LMF1: variants seen among roughly 807,000 people sequenced by gnomAD.
LMF1 encodes the protein lipase maturation factor 1.
In LMF1, 68 loss-of-function variants were observed where a neutral mutation model predicts 60.6. The ratio of observed to expected loss-of-function variants is 1.12; its 90% CI spans 0.92 to 1.37. The LOEUF is 1.37. Among genes scored for constraint, LMF1 ranks in the 40% most tolerant of loss-of-function variants. LMF1 has a pLI of 0.00. For synonymous variants in LMF1, 418 were observed against 324.7 expected, an observed-to-expected ratio of 1.29 and a Z score of -3.09; for missense variants, 948 against 767.2, an observed-to-expected ratio of 1.24 and a Z score of -2.78.
chr16:889,309 T>G (rs1480914005), intron 5 of LMF1, among the ~76,000 whole-genome samples: 2 of 152,030 alleles, frequency 1.3e-5, no homozygotes, highest in Admixed American at 6.5e-5. Context: ...GCAACTGCCT[T>G]TCGTTACCAG....
Position 870,778 on chromosome 16 carries a change from T to G in LMF1, c.1183A>C (p.Thr395Pro). 6.2e-7 allele frequency: 1 copy of G among 1,612,792 alleles called. No homozygotes were observed. Among genetic ancestry groups the G allele is most frequent in the Non-Finnish European group, 8.5e-7 (1 of 1,179,686 alleles). The stretch of plus-strand genomic sequence containing the variant: ...ACGATGTGAAGAGAGTTGAAGTGGG[T>G]GTTCATGACCTGCCTGGAGCTCAGC... ...NLLSSRQVMNTHFNSLHIVNT... is the reference protein window; with the variant it reads ...NLLSSRQVMNPHFNSLHIVNT... Residue 395 changes from threonine to proline, a missense_variant, in exon 8 of 11, where the codon ACC (threonine) becomes CCC (proline). Coordinates refer to ENST00000262301, the MANE Select transcript of LMF1 (RefSeq NM_022773.4).
chr16:897,749 C>A lies in LMF1; in HGVS notation c.664-4677G>T, dbSNP rs1381032725. On this transcript the variant is annotated intron_variant, in intron 4 of 10. Transcript: ENST00000262301. The surrounding 1 kb of genome is among the most constrained non-coding windows in gnomAD (Gnocchi z 4.3). Reference sequence around the variant, plus strand: ...GAGGCACTATGGGGTCTATCAAGACCCTCTAGTCTCCATATCTGAGGGTGG... The same window carrying A: ...GAGGCACTATGGGGTCTATCAAGACACTCTAGTCTCCATATCTGAGGGTGG... Among the ~76,000 whole-genome samples, 1 of 152,150 alleles carries A rather than the reference C, an allele frequency of 6.6e-6. No individual in the cohort carries two copies. Among genetic ancestry groups the A allele is most frequent in the African/African-American group, 2.4e-5 (1 of 41,434 alleles).
At position 950,504 on chromosome 16, in the gene LMF1, G is replaced by GACA. The variant is rs747107898; in HGVS notation, c.503+3852_503+3853insTGT. Reference sequence around the variant, plus strand: ...AGTCAGAGCCAACGACAGAGTCAGAGATGACAGAGTCAGAGACGACAGAGT... The same window carrying GACA: ...AGTCAGAGCCAACGACAGAGTCAGAGACAATGACAGAGTCAGAGACGACAGAGT... On this transcript the variant is annotated intron_variant, in intron 2 of 10. Transcript: ENST00000262301. Among the ~76,000 whole-genome samples, 512 of 80,914 alleles carry GACA rather than the reference G, an allele frequency of 6.3e-3. 8 individuals are homozygous for GACA. The highest frequency in any genetic ancestry group is 8.3e-3 in the African/African-American group (105 of 12,676). 53.1% of individuals were successfully genotyped at this position (80,914 alleles called of 152,430 possible).
chr16:959,923 CAG>C (rs2072788690), intron 1 of LMF1, among the ~76,000 whole-genome samples: 2 of 150,888 alleles, frequency 1.3e-5, no homozygotes, highest in Admixed American at 1.3e-4. Flanking sequence ...AGGTGAGAGT[CAG>C]AGTCATCGGC....
chr16:859,539 T>A (rs111996990), intron 10 of LMF1, among the ~76,000 whole-genome samples: 31 of 4,448 alleles, frequency 7.0e-3, no homozygotes, highest in African/African-American at 0.015. Flanking sequence ...GAGTGGTGTC[T>A]CGGGACGGGT....
chr16:869,200 C>T (rs1279144384), intron 9 of LMF1, 144 bp from the exon 10 acceptor site: 2 of 692,226 alleles, frequency 2.9e-6, no homozygotes, highest in Non-Finnish European at 5.3e-6. Context: ...AGCTCTTTGG[C>T]TGGGGTCCCC....
At position 911,018 on chromosome 16, in the gene LMF1, C is replaced by T. The variant is rs772552245; in HGVS notation, c.576G>A (p.Thr192=). 8.7e-6 allele frequency: 14 copies of T among 1,612,952 alleles called. No individual in the cohort carries two copies. In the Admixed American group the frequency reaches 1.0e-4, roughly 12 times the overall value. The change falls in exon 4 of 11, where the codon ACG becomes ACA. Residue 192 remains threonine (T), a synonymous_variant. Coordinates refer to ENST00000262301, the MANE Select transcript of LMF1 (RefSeq NM_022773.4). ...FLGIFLCPLW[T]LSRLPQHTPT... Reference sequence around the variant, plus strand: ...GGGTATGCTGGGGCAGCCTTGACAGCGTCCACAGAGGGCACAGGAAGATCC... The same window carrying T: ...GGGTATGCTGGGGCAGCCTTGACAGTGTCCACAGAGGGCACAGGAAGATCC...
In LMF1 at chr16:934,233, A is replaced by G. The variant is rs372050706; in HGVS notation, c.514+11T>C. ...CTCTCGCAGAGCTTTCTCTAAATGC[A>G]TCTCACTTACCGAAAGAGTACCTGA... On this transcript the variant is annotated intron_variant, in intron 3 of 10. Coordinates refer to ENST00000262301, the MANE Select transcript of LMF1 (RefSeq NM_022773.4). The G allele has an allele frequency of 4.8e-5, 77 of 1,599,296 alleles. No homozygotes were observed. The highest frequency in any genetic ancestry group is 6.0e-5 in the Non-Finnish European group (71 of 1,179,796).
intron 3 of LMF1, chr16:933,826 C>T (rs142768470): frequency 3.7e-5 from 21 of 560,170 alleles, no homozygotes; most frequent in East Asian, 2.7e-4. Flanking sequence ...GGAAGACCTC[C>T]GGTCCCCTCC....
chr16:974,345 G>A (rs559520458), upstream of LMF1, among the ~76,000 whole-genome samples: 7 of 152,262 alleles, frequency 4.6e-5, no homozygotes, highest in East Asian at 3.9e-4. Flanking sequence ...TGCCCTGAGC[G>A]CCTCACACCA....
chr16:888,967 A>G (rs577543), intron 5 of LMF1, among the ~76,000 whole-genome samples: 144,141 of 152,240 alleles, frequency 0.95, 68,359 homozygotes, highest in East Asian at 1. Flanking sequence ...GGGGGTCCTC[A>G]CAACGGTGCT....
At chr16:899,295 G>A (rs1446534363) in intron 4 of LMF1, 1 of 152,282 alleles carries the variant, frequency 6.6e-6, no homozygotes, top group East Asian at 1.9e-4. Flanking sequence ...CAGAGATCAG[G>A]ATGCCATAGA....
At chr16:960,025 C>G (rs1272545160) in intron 1 of LMF1, among the ~76,000 whole-genome samples, 1 of 152,212 alleles carries the variant, frequency 6.6e-6, no homozygotes, top group Admixed American at 6.5e-5. Flanking sequence ...TAGTGACACA[C>G]AGAGCCTAGC....
At chr16:898,271 C>T (rs1288358588) in intron 4 of LMF1, among the ~76,000 whole-genome samples, 1 of 149,332 alleles carries the variant, frequency 6.7e-6, no homozygotes, top group Admixed American at 6.7e-5. Context: ...AGTGAATTCC[C>T]ATGAGTTTGA....
intron 5 of LMF1, among the ~76,000 whole-genome samples, chr16:890,138 C>T (rs1190777004): frequency 6.6e-6 from 1 of 152,170 alleles, no homozygotes; most frequent in Non-Finnish European, 1.5e-5. Context: ...GAGTCCAGGC[C>T]CCTGAGGCCG....
At chr16:893,508 C>G (rs1030694621) in intron 4 of LMF1, 1 of 411,908 alleles carries the variant, frequency 2.4e-6, no homozygotes, top group African/African-American at 2.0e-5. Flanking sequence ...GCGTCTCAGC[C>G]CCGCCCCCTG....
chr16:978,528 G>A (rs184284864), intron 1 of LMF1, among the ~76,000 whole-genome samples: 1 of 152,036 alleles, frequency 6.6e-6, no homozygotes, highest in Non-Finnish European at 1.5e-5. Context: ...GCCCAGGCCA[G>A]GGCATGTGGA....
intron 2 of LMF1, among the ~76,000 whole-genome samples, chr16:951,100 A>G (rs2072450957): frequency 1.2e-5 from 1 of 80,058 alleles, no homozygotes; most frequent in Non-Finnish European, 2.3e-5. Context: ...AGTCAGAGCC[A>G]ATGACAGAGT....
At chr16:892,206 C>T (rs1476272897) in intron 5 of LMF1, among the ~76,000 whole-genome samples, 2 of 152,228 alleles carry the variant, frequency 1.3e-5, no homozygotes, top group African/African-American at 2.4e-5. Context: ...AGACAGCCAT[C>T]ACTGGCTGTC....
Sources: allele counts gnomAD v4.1 joint callset (sites outside exome capture counted in the v4.1 genomes callset), GRCh38; gene constraint gnomAD v4.1.1; non-coding constraint Gnocchi (gnomAD v3.1); transcripts MANE v1.5; gene names NCBI Gene and HGNC (gene_info 2026-07-23, HGNC 2026-07-21).